The following RHEB variants were observed in gnomAD, a reference collection of about 807,000 sequenced individuals.
RHEB encodes Ras homolog, mTORC1 binding.
Under a neutral mutation model 28.8 loss-of-function variants are expected in RHEB, and 2 were observed. The observed-to-expected ratio is 0.07, with a 90% CI of 0.03 to 0.22. The LOEUF (loss-of-function observed/expected upper bound fraction) is 0.22. Among genes scored for constraint, RHEB ranks in the 10% least tolerant of loss-of-function variants. The probability of loss-of-function intolerance (pLI) is 1.00; values close to 1 mark genes in which losing one functional copy is unlikely to be tolerated. For synonymous variants in RHEB, 69 were observed against 77.3 expected, an observed-to-expected ratio of 0.89 and a Z score of 0.56; for missense variants, 76 against 219.9, an observed-to-expected ratio of 0.35 and a Z score of 4.14.
Position 151,519,471 on chromosome 7 carries a change from T to C in RHEB, c.41A>G (p.Tyr14Cys), listed in dbSNP as rs1360165609. The C allele has an allele frequency of 6.5e-7, 1 of 1,539,610 alleles. No homozygotes were observed. The highest frequency in any genetic ancestry group is 8.7e-7 in the Non-Finnish European group (1 of 1,144,612). The stretch of plus-strand genomic sequence containing the variant: ...CACCGGCCACTCACCCACAGACCGG[T>C]AGCCCAGGATCGCGATCTTCCGGGA... ...SKSRKIAILG[Y>C]RSVGKSSLTI... The change falls in exon 1 of 8, where the codon TAC (tyrosine) becomes TGC (cysteine). Residue 14 changes from tyrosine to cysteine, a missense_variant. Tyr to Cys is a radical substitution (Grantham distance 194). Transcript: ENST00000262187.
intron 1 of RHEB, among the ~76,000 whole-genome samples, chr7:151,495,092 C>T (rs991271322): frequency 4.6e-5 from 7 of 152,160 alleles, no homozygotes; most frequent in Admixed American, 4.6e-4. Flanking sequence ...TCACCTTTAA[C>T]CTTTTTCTCT....
chr7:151,490,275 T>TA (rs1257566994), intron 2 of RHEB, among the ~76,000 whole-genome samples: 2 of 152,130 alleles, frequency 1.3e-5, no homozygotes, highest in Non-Finnish European at 2.9e-5. Flanking sequence ...CATGTCTCTT[T>TA]AAAAAATAAA....
chr7:151,489,833 G>C (rs920880731), intron 2 of RHEB, among the ~76,000 whole-genome samples: 2 of 152,134 alleles, frequency 1.3e-5, no homozygotes, highest in Non-Finnish European at 2.9e-5. Flanking sequence ...CTTAGCTCTT[G>C]GTCTGTATAA....
At chr7:151,482,605 A>G (rs560761178) in intron 3 of RHEB, among the ~76,000 whole-genome samples, 31 of 152,358 alleles carry the variant, frequency 2.0e-4, no homozygotes, top group African/African-American at 7.5e-4. Flanking sequence ...TCAGGAGCTT[A>G]AAGGAGATTC....
intron 1 of RHEB, among the ~76,000 whole-genome samples, chr7:151,495,907 G>A (rs755595206): frequency 1.8e-4 from 28 of 152,196 alleles, no homozygotes; most frequent in Admixed American, 4.6e-4. Context: ...TGCGTTGAGC[G>A]TGCCACTGCA....
chr7:151,486,650 A>G (rs1563095027), intron 2 of RHEB, among the ~76,000 whole-genome samples: 2 of 152,372 alleles, frequency 1.3e-5, no homozygotes, highest in East Asian at 1.9e-4. Context: ...GAAACCAAGG[A>G]AAGATCACTC....
At chr7:151,516,493 G>A (rs1196850005) in intron 1 of RHEB, among the ~76,000 whole-genome samples, 1 of 151,678 alleles carries the variant, frequency 6.6e-6, no homozygotes, top group Non-Finnish European at 1.5e-5. Flanking sequence ...CGGGGTGGCA[G>A]GCGCCTGTTA....
intron 1 of RHEB, chr7:151,498,019 C>A: frequency 2.3e-6 from 2 of 885,180 alleles, no homozygotes; most frequent in African/African-American, 1.7e-5. Flanking sequence ...GGGTGCCACA[C>A]ACTTGACCAT....
intron 3 of RHEB, among the ~76,000 whole-genome samples, chr7:151,478,132 C>A (rs151107560): frequency 4.5e-4 from 68 of 152,278 alleles, no homozygotes; most frequent in African/African-American, 1.5e-3. Context: ...GCTTTATATA[C>A]GTATTAAAGC....
chr7:151,510,945 G>A (rs944149793), intron 1 of RHEB, among the ~76,000 whole-genome samples: 12 of 152,068 alleles, frequency 7.9e-5, no homozygotes, highest in African/African-American at 2.9e-4. Context: ...AGGGCATGGT[G>A]GCACACACCC....
At chr7:151,506,708 C>T (rs1002291910) in intron 1 of RHEB, among the ~76,000 whole-genome samples, 2 of 152,182 alleles carry the variant, frequency 1.3e-5, no homozygotes, top group African/African-American at 4.8e-5. Flanking sequence ...AAATAACAAA[C>T]ATACATATAC....
chr7:151,474,981 A>T (rs553511267), intron 4 of RHEB, among the ~76,000 whole-genome samples: 2 of 152,354 alleles, frequency 1.3e-5, no homozygotes, highest in Admixed American at 1.3e-4. Flanking sequence ...ATGCTCATTA[A>T]ACTATGAGTT....
chr7:151,491,990 T>A (rs1057055900), intron 1 of RHEB, among the ~76,000 whole-genome samples: 1 of 152,206 alleles, frequency 6.6e-6, no homozygotes, highest in Non-Finnish European at 1.5e-5. Context: ...GTACATGCCC[T>A]GTGAAGAAAT....
chr7:151,507,209 T>C (rs1802898171), intron 1 of RHEB, among the ~76,000 whole-genome samples: 1 of 152,196 alleles, frequency 6.6e-6, no homozygotes, highest in Admixed American at 6.5e-5. Flanking sequence ...GGAAAAACAA[T>C]GAACCGCATA....
At chr7:151,501,925 G>T in intron 1 of RHEB, 1 of 721,802 alleles carries the variant, frequency 1.4e-6, no homozygotes, top group Non-Finnish European at 2.5e-6. Context: ...AGTTCTGGAA[G>T]ATCAAGAAGC....
intron 3 of RHEB, among the ~76,000 whole-genome samples, chr7:151,478,960 C>G (rs1169718240): frequency 6.6e-6 from 1 of 151,888 alleles, no homozygotes; most frequent in East Asian, 1.9e-4. Context: ...GAGACAGTCT[C>G]ATTCTGTCAC....
intron 4 of RHEB, among the ~76,000 whole-genome samples, chr7:151,473,422 G>A (rs1802201382): frequency 6.6e-6 from 1 of 152,196 alleles, no homozygotes; most frequent in Admixed American, 6.5e-5. Context: ...CCCACACTGT[G>A]GCTCTGAGAG....
At chr7:151,497,620 T>G (rs984908048) in intron 1 of RHEB, among the ~76,000 whole-genome samples, 3 of 152,212 alleles carry the variant, frequency 2.0e-5, no homozygotes, top group African/African-American at 7.2e-5. Flanking sequence ...AATGTCCCGA[T>G]CGCCGCTATC....
intron 1 of RHEB, among the ~76,000 whole-genome samples, chr7:151,492,548 C>T (rs143915863): frequency 4.4e-4 from 57 of 129,770 alleles, no homozygotes; most frequent in Middle Eastern, 3.8e-3. Context: ...ACCCAGGAGG[C>T]GGAGGTTGCA....
Sources: allele counts gnomAD v4.1 joint callset (sites outside exome capture counted in the v4.1 genomes callset), GRCh38; gene constraint gnomAD v4.1.1; transcripts MANE v1.5; gene names NCBI Gene and HGNC (gene_info 2026-07-23, HGNC 2026-07-21).